The following ABCB4 variants were observed in gnomAD, a reference collection of about 807,000 sequenced individuals.
ABCB4 encodes the protein ATP binding cassette subfamily B member 4.
ABCB4 carries 76 observed loss-of-function variants against 145.7 expected under a neutral mutation model. The observed-to-expected ratio is 0.52, with a 90% CI of 0.43 to 0.63. The LOEUF (loss-of-function observed/expected upper bound fraction) is 0.63, where lower values mean the gene tolerates loss of function less well. Ranked by LOEUF, ABCB4 falls within the 30% of genes least tolerant of loss-of-function variation. The pLI, the probability that ABCB4 is intolerant of heterozygous loss-of-function variation, is 0.00. For missense variants in ABCB4, 1,234 were observed against 1,553.1 expected (o/e 0.79, Z 3.45); for synonymous variants, 517 against 566.8 (o/e 0.91, Z 1.25).
rs1015760224 is a variant in ABCB4, at chr7:87,444,610, C to T, written c.1119+252G>A. Among the ~76,000 whole-genome samples the T allele has an allele frequency of 2.9e-4, 44 of 152,152 alleles. 1 individual carries two copies. Among genetic ancestry groups the T allele is most frequent in the Non-Finnish European group, 4.6e-4 (31 of 67,998 alleles). ...TAGGAAGAGAAACGTCTTTGCTCTGCACTAGTGCAGATGTCCTTTTCCAAA... is the reference window on the plus strand; with the variant it reads ...TAGGAAGAGAAACGTCTTTGCTCTGTACTAGTGCAGATGTCCTTTTCCAAA... On this transcript the variant is annotated intron_variant, in intron 10 of 27. Coordinates refer to ENST00000649586, the MANE Select transcript of ABCB4 (RefSeq NM_000443.4).
chr7:87,375,463 A>T, the ABCB4 span: 1 of 559,922 alleles, frequency 1.8e-6, no homozygotes, highest in Non-Finnish European at 3.2e-6. Flanking sequence ...AATAGAACAC[A>T]ATCACTTAAA....
intron 15 of ABCB4, among the ~76,000 whole-genome samples, chr7:87,429,913 T>A (rs369943105): frequency 3.0e-4 from 38 of 128,252 alleles, no homozygotes; most frequent in African/African-American, 8.5e-4. Flanking sequence ...CTTTTTTTTT[T>A]TAAAAAAAAA....
chr7:87,393,785 C>T, the ABCB4 span, among the ~76,000 whole-genome samples: 2 of 152,106 alleles, frequency 1.3e-5, no homozygotes, highest in African/African-American at 2.4e-5. Context: ...TAGTAATATG[C>T]ATGACATATT....
chr7:87,443,775 TAA>T lies in ABCB4; in HGVS notation c.1120-4_1120-3del, dbSNP rs753454399. ...TGAAAAACTGTCAATTTTAGGATTC[TAA>T]ATAAAACAAAATGTAATGACTATTC... On this transcript the variant is annotated splice_polypyrimidine_tract_variant and splice_region_variant and intron_variant, in intron 10 of 27. Transcript: ENST00000649586. The T allele has an allele frequency of 6.2e-7, 1 of 1,603,336 alleles. No homozygotes were observed. The highest frequency in any genetic ancestry group is 8.5e-7 in the Non-Finnish European group (1 of 1,170,356).
intron 3 of ABCB4, among the ~76,000 whole-genome samples, chr7:87,465,315 G>A (rs960587220): frequency 6.6e-6 from 1 of 152,212 alleles, no homozygotes; most frequent in African/African-American, 2.4e-5. Flanking sequence ...CAAGGTGGCA[G>A]CGAGGCTGGG....
At chr7:87,433,669 G>GT (rs752621529) in intron 14 of ABCB4, among the ~76,000 whole-genome samples, 48 of 124,038 alleles carry the variant, frequency 3.9e-4, no homozygotes, top group African/African-American at 1.6e-3. Flanking sequence ...ACAAAAAATT[G>GT]TTGTTGTTTT....
At chr7:87,448,566 T>C (rs1285846272) in intron 8 of ABCB4, 1 of 152,244 alleles carries the variant, frequency 6.6e-6, no homozygotes, top group Non-Finnish European at 1.5e-5. Context: ...ATCTGCCCAG[T>C]GTGACACACA....
rs1451785480 is a variant in ABCB4 at position 87,405,472 on chromosome 7, G to C, written c.3486+816C>G. ...GACGGAGTCTCACTCTGTCGCCCAGGCTGGAGTGCAATGGTGTGATCTTGG... is the reference window on the plus strand; with the variant it reads ...GACGGAGTCTCACTCTGTCGCCCAGCCTGGAGTGCAATGGTGTGATCTTGG... On this transcript the variant is annotated intron_variant, in intron 26 of 27. Transcript: ENST00000649586. 2.7e-5 allele frequency among the ~76,000 whole-genome samples: 4 copies of C among 149,922 alleles called. No individual in the cohort carries two copies. The East Asian group carries it at 7.8e-4, about 29-fold the overall frequency.
At chr7:87,424,833 G>A (rs1006300600) in intron 16 of ABCB4, among the ~76,000 whole-genome samples, 4 of 152,072 alleles carry the variant, frequency 2.6e-5, no homozygotes, top group African/African-American at 9.7e-5. Context: ...TTAAATGTCT[G>A]GCCAAGCATG....
downstream of ABCB4, chr7:87,398,253 C>T (rs937600110): frequency 3.4e-5 from 20 of 594,186 alleles, no homozygotes; most frequent in Admixed American, 3.5e-4. Context: ...CTGTTTTAAA[C>T]GCAGTAAGAC....
chr7:87,409,385 A>G lies in ABCB4; in HGVS notation c.2932T>C (p.Ser978Pro), dbSNP rs1051861187. 7 of 1,613,862 alleles carry G rather than the reference A, an allele frequency of 4.3e-6. No homozygotes were observed. The highest frequency in any genetic ancestry group is 5.9e-6 in the Non-Finnish European group (7 of 1,179,918). ...GCCACTGCACCAAATACAATTGCAGAAAACACCCTAGACAGAAGTAGAGGA... is the reference window on the plus strand; with the variant it reads ...GCCACTGCACCAAATACAATTGCAGGAAACACCCTAGACAGAAGTAGAGGA... ...MRFRDVILVF[S>P]AIVFGAVALG... is the part of the protein sequence containing the mutation. Residue 978 changes from serine to proline, a missense_variant, in exon 24 of 28, where the codon TCT (serine) becomes CCT (proline). Ser to Pro is a moderately conservative substitution (Grantham distance 74). Transcript: ENST00000649586.
chr7:87,415,146 G>C (rs1808879604), intron 21 of ABCB4, among the ~76,000 whole-genome samples: 2 of 152,168 alleles, frequency 1.3e-5, no homozygotes, highest in South Asian at 2.1e-4. Flanking sequence ...CTGTGGCACA[G>C]AGGGCCCTTA....
chr7:87,422,692 A>T (rs1452444736), intron 17 of ABCB4, among the ~76,000 whole-genome samples: 1 of 151,818 alleles, frequency 6.6e-6, no homozygotes, highest in Non-Finnish European at 1.5e-5. Flanking sequence ...CCAGCCCTCC[A>T]CTTCTCATTC....
At chr7:87,456,802 G>C (rs1812131357) in intron 4 of ABCB4, among the ~76,000 whole-genome samples, 1 of 152,032 alleles carries the variant, frequency 6.6e-6, no homozygotes, top group Non-Finnish European at 1.5e-5. Context: ...TGCTGGGTTA[G>C]TAACCTGAGG....
chr7:87,466,013 C>T (rs542533236), intron 3 of ABCB4, among the ~76,000 whole-genome samples: 1 of 152,322 alleles, frequency 6.6e-6, no homozygotes, highest in African/African-American at 2.4e-5. Context: ...CAAAGGAATG[C>T]AGCTCCTCAC....
chr7:87,444,914 G>A lies in ABCB4; in HGVS notation c.1067C>T (p.Ala356Val). 1 of 1,608,704 alleles carries A rather than the reference G, an allele frequency of 6.2e-7. No homozygotes were observed. The highest frequency in any genetic ancestry group is 1.1e-5 in the South Asian group (1 of 90,970). The change falls in exon 10 of 28, where the codon GCT becomes GTT. Residue 356 changes from alanine (A) to valine (V), a missense_variant. By Grantham distance (64) the Ala-to-Val change is moderately conservative (BLOSUM62 0). Coordinates refer to ENST00000649586, the MANE Select transcript of ABCB4 (RefSeq NM_000443.4). ...SVGQAAPCID[A>V]FANARGAAYV... ...TGCTGCTCCTCTTGCATTGGCAAAA[G>A]CATCAATACATGGGGCAGCCTGGCC...
At chr7:87,403,650 T>G (rs1376350812) in intron 26 of ABCB4, among the ~76,000 whole-genome samples, 1 of 151,998 alleles carries the variant, frequency 6.6e-6, no homozygotes, top group African/African-American at 2.4e-5. Flanking sequence ...TATGCCAGCA[T>G]CACCACAAAT....
At chr7:87,413,856 G>C (rs1808791505) in intron 21 of ABCB4, 139 bp from the exon 22 acceptor site, 1 of 686,086 alleles carries the variant, frequency 1.5e-6, no homozygotes, top group Admixed American at 2.2e-5. Context: ...AAAACCAAAG[G>C]CATAATCTGT....
At chr7:87,422,393 AT>A (rs1809508436) in intron 17 of ABCB4, among the ~76,000 whole-genome samples, 168 bp from the exon 18 acceptor site, 1 of 152,166 alleles carries the variant, frequency 6.6e-6, no homozygotes, top group Non-Finnish European at 1.5e-5. Flanking sequence ...CATTTTAACC[AT>A]TTTTAAGTGT....
Sources: allele counts gnomAD v4.1 joint callset (sites outside exome capture counted in the v4.1 genomes callset), GRCh38; gene constraint gnomAD v4.1.1; transcripts MANE v1.5; gene names NCBI Gene and HGNC (gene_info 2026-07-23, HGNC 2026-07-21).